The following ANK3 variants were observed in gnomAD, a reference collection of about 807,000 sequenced individuals.
ANK3 encodes ankyrin-3.
ANK3 carries 57 observed loss-of-function variants against 370.9 expected under a neutral mutation model. The ratio of observed to expected loss-of-function variants is 0.15; its 90% CI spans 0.12 to 0.19. The LOEUF is 0.19. ANK3 is among the 10% of genes least tolerant of loss of function. The pLI, the probability that ANK3 is intolerant of heterozygous loss-of-function variation, is 1.00. For synonymous variants in ANK3, 1,929 were observed against 1,946.3 expected (o/e 0.99, Z 0.23); for missense variants, 4,439 against 5,302.1 (o/e 0.84, Z 5.06).
intron 7 of ANK3, among the ~76,000 whole-genome samples, chr10:60,250,587 G>C (rs140599620): frequency 0.026 from 3,949 of 152,156 alleles, 64 homozygotes; most frequent in Non-Finnish European, 0.036. Context: ...GGATGGTCTC[G>C]ATCTCCTGAC....
chr10:60,255,795 T>TTTTATTTATATTTATA, intron 7 of ANK3, among the ~76,000 whole-genome samples: 1 of 151,844 alleles, frequency 6.6e-6, no homozygotes, highest in Non-Finnish European at 1.5e-5. Context: ...CTCTTGAGAA[T>TTTTATTTATATTTATA]AAAAAAAAAT....
intron 1 of ANK3, among the ~76,000 whole-genome samples, chr10:60,674,398 G>A (rs115701266): frequency 0.041 from 6,198 of 152,146 alleles, 159 homozygotes; most frequent in Middle Eastern, 0.071. Flanking sequence ...GGAAGGTAAA[G>A]GGAAAAACAG....
intron 2 of ANK3, among the ~76,000 whole-genome samples, chr10:60,531,564 T>C (rs1274425630): frequency 1.3e-5 from 2 of 152,052 alleles, no homozygotes; most frequent in African/African-American, 4.8e-5. Context: ...TAATTAAAAG[T>C]TATTAACTTT....
At chr10:60,171,722 T>C (rs1023589908) in intron 21 of ANK3, among the ~76,000 whole-genome samples, 2 of 152,208 alleles carry the variant, frequency 1.3e-5, no homozygotes, top group African/African-American at 4.8e-5. Flanking sequence ...ATGTAGTTGA[T>C]GCAATAGGGC....
chr10:60,357,796 GA>G (rs1283647134), intron 1 of ANK3, among the ~76,000 whole-genome samples: 3 of 151,986 alleles, frequency 2.0e-5, no homozygotes, highest in Non-Finnish European at 2.9e-5. Flanking sequence ...AAATGGATAC[GA>G]TGTGATGAGT....
chr10:60,099,069 C>A (rs890215827), intron 28 of ANK3, among the ~76,000 whole-genome samples: 2 of 152,092 alleles, frequency 1.3e-5, no homozygotes, highest in African/African-American at 2.4e-5. Context: ...TTTTTGAACT[C>A]TACCTTCAGT....
intron 10 of ANK3, among the ~76,000 whole-genome samples, chr10:60,207,210 T>C (rs79676943): frequency 0.039 from 5,883 of 152,186 alleles, 361 homozygotes; most frequent in African/African-American, 0.13. Context: ...TTCTTTCCTG[T>C]CCACTCTGAA....
chr10:60,113,613 G>A (rs2092873653), intron 26 of ANK3, among the ~76,000 whole-genome samples: 1 of 152,178 alleles, frequency 6.6e-6, no homozygotes, highest in Non-Finnish European at 1.5e-5. Context: ...AAGAAACTGA[G>A]GTGGGAGAAT....
In ANK3 at chr10:60,425,485, T is replaced by C. The variant is rs368542754; in HGVS notation, c.97-145846A>G. 4.6e-5 allele frequency among the ~76,000 whole-genome samples: 7 copies of C among 152,258 alleles called. No homozygotes were observed. In the East Asian group the frequency reaches 9.6e-4, roughly 21 times the overall value. On this transcript the variant is annotated intron_variant, in intron 2 of 43. Coordinates refer to the ANK3 transcript ENST00000373827. ...TGCTGCAGTTATGGCCATTAGTAAG[T>C]AGAAAAGGTTTTGCCTTTCATTTCA... is the stretch of plus-strand genomic sequence containing the variant.
chr10:60,184,948 C>T (rs1041530244), intron 17 of ANK3, among the ~76,000 whole-genome samples: 9 of 152,140 alleles, frequency 5.9e-5, no homozygotes, highest in African/African-American at 2.2e-4. Context: ...ATTTGGGAAA[C>T]ACAAGGTCCT....
chr10:60,402,537 A>G (rs1050602687), intron 2 of ANK3, among the ~76,000 whole-genome samples: 9 of 152,314 alleles, frequency 5.9e-5, no homozygotes, highest in Non-Finnish European at 1.2e-4. Flanking sequence ...TTGTTGGTGA[A>G]CTATATTTTT....
At chr10:60,454,557 A>C (rs2133045836) in intron 2 of ANK3, among the ~76,000 whole-genome samples, 1 of 152,272 alleles carries the variant, frequency 6.6e-6, no homozygotes, top group South Asian at 2.1e-4. Flanking sequence ...GTCAGTTTAC[A>C]GGATGCCCCC....
In ANK3 at chr10:60,578,250, A is replaced by G. The variant is rs72822833; in HGVS notation, c.96+36936T>C. ...AGGGAGACACAGAATGTTCAAAGAC[A>G]CATAGCTGTTAAATGCATGGTTTGC... On this transcript the variant is annotated intron_variant, in intron 2 of 43. Transcript: ENST00000373827. Among the ~76,000 whole-genome samples, 836 of 152,342 alleles carry G rather than the reference A, an allele frequency of 5.5e-3. 4 individuals carry two copies. The highest frequency in any genetic ancestry group is 0.01 in the Middle Eastern group (3 of 294).
At chr10:60,126,039 T>C (rs1412401447) in intron 25 of ANK3, among the ~76,000 whole-genome samples, 3 of 152,166 alleles carry the variant, frequency 2.0e-5, no homozygotes, top group African/African-American at 7.2e-5. Flanking sequence ...CTGTACATGA[T>C]GGCTATAATG....
chr10:60,205,341 C>T lies in ANK3; in HGVS notation c.1293+451G>A, dbSNP rs1043473227. 3.9e-5 allele frequency among the ~76,000 whole-genome samples: 6 copies of T among 152,128 alleles called. No homozygotes were observed. In the East Asian group the frequency reaches 7.7e-4, roughly 20 times the overall value. ...TTTTGAATCAGACGACTTTTTGTTG[C>T]GGGAGACTGTCCTGTATACTGTAAA... On this transcript the variant is annotated intron_variant, in intron 11 of 43. Transcript: ENST00000280772.
rs36033791 is a variant in ANK3 at position 60,141,561 on chromosome 10, G to GTTTTTTTTTT, written c.2615-2484_2615-2475dup. Among the ~76,000 whole-genome samples the GTTTTTTTTTT allele has an allele frequency of 2.2e-3, 108 of 48,986 alleles. 4 individuals carry two copies. Among genetic ancestry groups the GTTTTTTTTTT allele is most frequent in the African/African-American group, 9.8e-3 (105 of 10,714 alleles). The allele number at this position is 48,986 out of a possible 152,430, so 32.1% of individuals were successfully genotyped here. A position where few individuals can be genotyped will look rare whatever the true frequency, so the allele number is the denominator to read the frequency against. On this transcript the variant is annotated intron_variant, in intron 23 of 43. Transcript: ENST00000280772. ...CACTGGAGAGGCCATTTCAATTGCT[G>GTTTTTTTTTT]TTTTTTTTTTTTTTTTTTTTTTTTT... is the stretch of plus-strand genomic sequence containing the variant.
chr10:60,156,771 C>T (rs918206905), intron 23 of ANK3, among the ~76,000 whole-genome samples: 19 of 152,294 alleles, frequency 1.2e-4, no homozygotes, highest in Non-Finnish European at 2.1e-4. Context: ...AGGCTTAGGT[C>T]ACAACACTCA....
intron 13 of ANK3, 26 bp downstream of exon 13, chr10:60,200,103 A>AAAC: frequency 6.3e-7 from 1 of 1,578,568 alleles, no homozygotes; most frequent in Non-Finnish European, 8.7e-7. Flanking sequence ...CCTCAATTTC[A>AAAC]AACACTTGTC....
intron 7 of ANK3, among the ~76,000 whole-genome samples, chr10:60,248,780 T>G (rs2097595851): frequency 6.6e-6 from 1 of 152,202 alleles, no homozygotes; most frequent in African/African-American, 2.4e-5. Flanking sequence ...GAGCTGAGGT[T>G]TGACCCTGAG....
Sources: allele counts gnomAD v4.1 joint callset (sites outside exome capture counted in the v4.1 genomes callset), GRCh38; gene constraint gnomAD v4.1.1; transcripts MANE v1.5; gene names NCBI Gene and HGNC (gene_info 2026-07-23, HGNC 2026-07-21).